Variants in FARP1 observed in about 807,000 individuals in gnomAD.
FARP1 encodes the protein FERM, ARH/RhoGEF and pleckstrin domain protein 1.
FARP1 carries 52 observed loss-of-function variants against 128.8 expected under a neutral mutation model. The observed-to-expected ratio is 0.40, with a 90% CI of 0.32 to 0.51. The LOEUF (loss-of-function observed/expected upper bound fraction) is 0.51. Among genes scored for constraint, FARP1 ranks in the 20% least tolerant of loss-of-function variants. The pLI, the probability that FARP1 is intolerant of heterozygous loss-of-function variation, is 0.45. For missense variants in FARP1, 1,333 were observed against 1,367.9 expected (o/e 0.97, Z 0.40); for synonymous variants, 580 against 551.8 (o/e 1.05, Z -0.72).
rs902637859 is a variant in FARP1 at position 98,188,576 on chromosome 13, GAGAA to G, written c.-23-24639_-23-24636del. On this transcript the variant is annotated intron_variant, in intron 1 of 26. Coordinates refer to ENST00000319562, the MANE Select transcript of FARP1 (RefSeq NM_005766.4). ...ACTCCGTCTCAAAAGAAAAAAAAAG[GAGAA>G]AGAAGTTTTCTAGCTAGAAAGGAGA... 5.9e-5 allele frequency among the ~76,000 whole-genome samples: 9 copies of G among 152,152 alleles called. 1 individual carries two copies. The highest frequency in any genetic ancestry group is 3.9e-4 in the East Asian group (2 of 5,156).
rs1485305300 is a variant in FARP1, at chr13:98,256,962, T to TA, written c.171+43550dup. On this transcript the variant is annotated intron_variant, in intron 2 of 26. Transcript: ENST00000319562. ...GTATATATGTGGATATATATATATA[T>TA]ATATATATATATATATATATATATA... Among the ~76,000 whole-genome samples the TA allele has an allele frequency of 3.5e-4, 40 of 113,676 alleles. No homozygotes were observed. In the East Asian group the frequency reaches 8.2e-3, roughly 23 times the overall value. The allele number at this position is 113,676 out of a possible 152,430, so 74.6% of individuals were successfully genotyped here. A position where few individuals can be genotyped will look rare whatever the true frequency, so the allele number is the denominator to read the frequency against.
intron 3 of FARP1, among the ~76,000 whole-genome samples, chr13:98,350,341 T>C (rs1209433443): frequency 1.3e-5 from 2 of 152,146 alleles, no homozygotes; most frequent in African/African-American, 2.4e-5. Flanking sequence ...TGTATTGCAG[T>C]TTTAAGTTGA....
chr13:98,374,013 A>T (rs1286892026), intron 5 of FARP1, among the ~76,000 whole-genome samples: 2 of 152,208 alleles, frequency 1.3e-5, no homozygotes, highest in Non-Finnish European at 1.5e-5. Context: ...CACATTAGTA[A>T]GATATCCTTT....
At chr13:98,335,162 T>TAA (rs1468335476) in intron 2 of FARP1, among the ~76,000 whole-genome samples, 1 of 152,234 alleles carries the variant, frequency 6.6e-6, no homozygotes, top group Non-Finnish European at 1.5e-5. Flanking sequence ...ACATGCCACT[T>TAA]ACCATGTACT....
At chr13:98,231,302 T>TAAA (rs150635401) in intron 2 of FARP1, among the ~76,000 whole-genome samples, 4 of 149,096 alleles carry the variant, frequency 2.7e-5, no homozygotes, top group African/African-American at 9.8e-5. Flanking sequence ...ACAGAGGATG[T>TAAA]AAAAAAAAAA....
intron 1 of FARP1, among the ~76,000 whole-genome samples, chr13:98,174,337 G>A (rs1489859836): frequency 6.6e-6 from 1 of 152,238 alleles, no homozygotes; most frequent in East Asian, 1.9e-4. Context: ...CACGAGCGTA[G>A]CTGAGTCCAG....
chr13:98,357,083 C>G (rs1888673770), intron 3 of FARP1, among the ~76,000 whole-genome samples: 1 of 152,046 alleles, frequency 6.6e-6, no homozygotes, highest in African/African-American at 2.4e-5. Context: ...TGTGTCTTTA[C>G]ATTAGCAGTG....
At chr13:98,290,198 A>C (rs1885386494) in intron 2 of FARP1, among the ~76,000 whole-genome samples, 1 of 152,106 alleles carries the variant, frequency 6.6e-6, no homozygotes, top group Non-Finnish European at 1.5e-5. Flanking sequence ...AAAGACAGGA[A>C]AAGACCTAAC....
chr13:98,263,077 C>A (rs576013992), intron 2 of FARP1, among the ~76,000 whole-genome samples: 1 of 152,070 alleles, frequency 6.6e-6, no homozygotes, highest in Non-Finnish European at 1.5e-5. Context: ...CGCGCAATCT[C>A]GGCTCACCGC....
At chr13:98,310,028 C>CTT (rs1886387189) in intron 2 of FARP1, among the ~76,000 whole-genome samples, 1 of 151,348 alleles carries the variant, frequency 6.6e-6, no homozygotes, top group Non-Finnish European at 1.5e-5. Flanking sequence ...GGACCATCCT[C>CTT]TCTCTCTCTA....
chr13:98,435,563 C>G lies in FARP1; in HGVS notation c.2144-13C>G. ...CTTTCCCGCTGCAGACTGTGTATGT[C>G]TTTCCTTCACAGCCGCTTTGGCAGA... On this transcript the variant is annotated splice_polypyrimidine_tract_variant and intron_variant, in intron 18 of 26. Coordinates refer to ENST00000319562, the MANE Select transcript of FARP1 (RefSeq NM_005766.4). 1 of 1,603,832 alleles carries G rather than the reference C, an allele frequency of 6.2e-7. No homozygotes were observed. The highest frequency in any genetic ancestry group is 8.5e-7 in the Non-Finnish European group (1 of 1,174,270).
At chr13:98,188,343 G>A (rs1162125547) in intron 1 of FARP1, among the ~76,000 whole-genome samples, 1 of 152,126 alleles carries the variant, frequency 6.6e-6, no homozygotes, top group Non-Finnish European at 1.5e-5. Context: ...CACGAGGTCA[G>A]GAGTTCGAGA....
intron 3 of FARP1, among the ~76,000 whole-genome samples, chr13:98,357,521 C>A (rs1651977565): frequency 6.6e-6 from 1 of 152,174 alleles, no homozygotes; most frequent in Admixed American, 6.5e-5. Flanking sequence ...GAATGCTGAT[C>A]TGCTGTTACA....
chr13:98,264,842 T>C (rs1348573316), intron 2 of FARP1, among the ~76,000 whole-genome samples: 4 of 152,248 alleles, frequency 2.6e-5, no homozygotes, highest in Non-Finnish European at 4.4e-5. Context: ...TACTATTCGA[T>C]AGTAATCATT....
At chr13:98,410,870 C>T in intron 15 of FARP1, 47 bp downstream of exon 15, 1 of 951,832 alleles carries the variant, frequency 1.1e-6, no homozygotes, top group Non-Finnish European at 1.7e-6. Context: ...TGATTTATCT[C>T]AGCTAATACT....
At chr13:98,389,277 G>A (rs1208814871) in intron 9 of FARP1, among the ~76,000 whole-genome samples, 1 of 152,178 alleles carries the variant, frequency 6.6e-6, no homozygotes, top group Non-Finnish European at 1.5e-5. Flanking sequence ...TTTGTAAGTT[G>A]GGTCCACCCA....
intron 1 of FARP1, among the ~76,000 whole-genome samples, chr13:98,194,720 G>A (rs1879464711): frequency 6.6e-6 from 1 of 152,164 alleles, no homozygotes; most frequent in Middle Eastern, 3.2e-3. Flanking sequence ...CATCAACAAG[G>A]GGGACCTAGT....
chr13:98,189,739 T>C (rs1404849090), intron 1 of FARP1, among the ~76,000 whole-genome samples: 2 of 152,232 alleles, frequency 1.3e-5, no homozygotes, highest in African/African-American at 4.8e-5. Flanking sequence ...AGGCATAATG[T>C]AATAAATCTG....
rs773805804 is a variant in FARP1 at position 98,395,404 on chromosome 13, A to G, written c.1342A>G (p.Thr448Ala). ...KQADGAASAP[T>A]EEEEEVVKDR... Reference sequence around the variant, plus strand: ...GGCGGACGGAGCCGCCTCGGCGCCCACGGAGGAAGAGGAGGAGGTCGTTAA... The same window carrying G: ...GGCGGACGGAGCCGCCTCGGCGCCCGCGGAGGAAGAGGAGGAGGTCGTTAA... The change falls in exon 13 of 27, where the codon ACG (threonine) becomes GCG (alanine). Residue 448 changes from threonine to alanine, a missense_variant. Thr to Ala is a moderately conservative substitution (Grantham distance 58). Around this residue, in one of 2 missense-constraint regions of FARP1, gnomAD observed 1,009 missense variants for 969.8 expected, o/e 1.04. Transcript: ENST00000319562. 7 of 1,611,342 alleles carry G rather than the reference A, an allele frequency of 4.3e-6. No homozygotes were observed. Among genetic ancestry groups the G allele is most frequent in the South Asian group, 1.1e-5 (1 of 91,016 alleles).
Sources: gnomAD v4.1 joint callset for allele counts (sites outside exome capture counted in the v4.1 genomes callset) on GRCh38, gnomAD v4.1.1 for gene constraint, gnomAD v4.1.1 regional missense constraint, MANE v1.5 for transcripts, NCBI Gene and HGNC (gene_info 2026-07-23, HGNC 2026-07-21) for gene names.